The following PDGFRA variants were observed in gnomAD, a reference collection of about 807,000 sequenced individuals.
PDGFRA encodes platelet-derived growth factor receptor alpha.
A neutral mutation model predicts 121.5 loss-of-function variants in PDGFRA; 25 were observed. The observed-to-expected ratio is 0.21, with a 90% CI of 0.15 to 0.29. The LOEUF (loss-of-function observed/expected upper bound fraction) is 0.29, where lower values mean the gene tolerates loss of function less well. PDGFRA is among the 10% of genes least tolerant of loss of function. The pLI is 1.00. For missense variants in PDGFRA, 1,008 were observed against 1,345.1 expected, an observed-to-expected ratio of 0.75 and a Z score of 3.92; for synonymous variants, 463 against 494.8, an observed-to-expected ratio of 0.94 and a Z score of 0.85.
At chr4:54,293,075 A>T (rs943360462) in intron 22 of PDGFRA, among the ~76,000 whole-genome samples, 1 of 152,198 alleles carries the variant, frequency 6.6e-6, no homozygotes, top group Non-Finnish European at 1.5e-5. Flanking sequence ...TCTGTCTGAG[A>T]TCCAGATAAG....
chr4:54,290,690 G>A, intron 22 of PDGFRA, 136 bp downstream of exon 22: 2 of 980,858 alleles, frequency 2.0e-6, no homozygotes, highest in African/African-American at 1.6e-5. Flanking sequence ...GAATCCTCAG[G>A]AGGTCCACGT....
rs1721196574 is a variant in PDGFRA at position 54,239,755 on chromosome 4, C to T, written c.-13+10340C>T. 2.0e-5 allele frequency among the ~76,000 whole-genome samples: 3 copies of T among 152,202 alleles called. No individual in the cohort carries two copies. The South Asian group carries it at 6.2e-4, about 31-fold the overall frequency. ...TCTGGGTGCCCCAGATGGGAGCACG[C>T]CTGGCTGGCCACATCTTTTGCAACC... On this transcript the variant is annotated intron_variant, in intron 1 of 22. Transcript: ENST00000257290.
At chr4:54,232,585 C>T (rs1720746969) in intron 1 of PDGFRA, among the ~76,000 whole-genome samples, 1 of 152,156 alleles carries the variant, frequency 6.6e-6, no homozygotes, top group Non-Finnish European at 1.5e-5. Flanking sequence ...CACCAGAAGG[C>T]ACTTTTGTGT....
In PDGFRA at chr4:54,285,824, C is replaced by T; in HGVS notation, c.2440-17C>T. On this transcript the variant is annotated splice_polypyrimidine_tract_variant and intron_variant, in intron 17 of 22. Coordinates refer to ENST00000257290, the MANE Select transcript of PDGFRA (RefSeq NM_006206.6). ...CAGATGGCTTGATCCTGAGTCATTT[C>T]TTCCTTTTCCATGCAGTGTGTCCAC... is the stretch of plus-strand genomic sequence containing the variant. 7 of 1,613,810 alleles carry T rather than the reference C, an allele frequency of 4.3e-6. No individual in the cohort carries two copies. Among genetic ancestry groups the T allele is most frequent in the Non-Finnish European group, 5.9e-6 (7 of 1,179,864 alleles).
chr4:54,292,341 A>G (rs897890370), intron 22 of PDGFRA, among the ~76,000 whole-genome samples: 3 of 152,252 alleles, frequency 2.0e-5, no homozygotes, highest in Admixed American at 1.3e-4. Context: ...TGCAGCCGTA[A>G]AAAGGAATGA....
chr4:54,295,475 A>C lies in PDGFRA; in HGVS notation c.*203A>C, dbSNP rs540198054. On this transcript the variant is annotated 3_prime_UTR_variant, in exon 23 of 23. Transcript: ENST00000257290. The stretch of plus-strand genomic sequence containing the variant: ...AACTTTGTCAGTGTTGCCTCTTGCA[A>C]TGCCTCAGTAGCATCTCAGTGGTGT... 1 of 582,512 alleles carries C rather than the reference A, an allele frequency of 1.7e-6. No homozygotes were observed. Among genetic ancestry groups the C allele is most frequent in the Non-Finnish European group, 3.1e-6 (1 of 325,044 alleles). The allele number at this position is 582,512 out of a possible 1,614,324, so 36.1% of individuals were successfully genotyped here.
chr4:54,267,521 C>A (rs1560472944), intron 6 of PDGFRA, 31 bp from the exon 7 acceptor site: 7 of 1,613,720 alleles, frequency 4.3e-6, no homozygotes, highest in South Asian at 1.1e-5. Flanking sequence ...ATGTGGTAAT[C>A]ATTATTTAAT....
intron 3 of PDGFRA, among the ~76,000 whole-genome samples, chr4:54,261,615 A>C (rs1402409515): frequency 2.0e-5 from 3 of 152,082 alleles, no homozygotes; most frequent in African/African-American, 7.2e-5. Context: ...TAAGTTTGGA[A>C]AGTCATCTTT....
intron 1 of PDGFRA, among the ~76,000 whole-genome samples, chr4:54,235,114 G>T (rs1279093197): frequency 6.6e-6 from 1 of 152,162 alleles, no homozygotes; most frequent in East Asian, 1.9e-4. Flanking sequence ...CTGGGCTGAA[G>T]TTAGGAGACT....
At chr4:54,237,353 G>C (rs1316095574) in intron 1 of PDGFRA, among the ~76,000 whole-genome samples, 1 of 152,194 alleles carries the variant, frequency 6.6e-6, no homozygotes, top group Admixed American at 6.5e-5. Flanking sequence ...AAATCTGGGA[G>C]TGTCTGGCCA....
intron 1 of PDGFRA, chr4:54,240,124 A>T (rs568629372): frequency 2.7e-6 from 1 of 368,306 alleles, no homozygotes; most frequent in Non-Finnish European, 5.7e-6. Context: ...AGGTACTGGG[A>T]TTATAGGTGT....
intron 1 of PDGFRA, among the ~76,000 whole-genome samples, chr4:54,247,562 G>A (rs1721761093): frequency 6.7e-6 from 1 of 150,276 alleles, no homozygotes; most frequent in Admixed American, 6.6e-5. Context: ...TATGTAAATG[G>A]GACGTATCTC....
At chr4:54,291,172 A>G (rs1269260799) in intron 22 of PDGFRA, among the ~76,000 whole-genome samples, 1 of 152,112 alleles carries the variant, frequency 6.6e-6, no homozygotes, top group Non-Finnish European at 1.5e-5. Flanking sequence ...AGCTTCAATG[A>G]CTATGCCCTC....
intron 1 of PDGFRA, among the ~76,000 whole-genome samples, chr4:54,243,990 C>T (rs1384149342): frequency 6.6e-6 from 1 of 152,228 alleles, no homozygotes; most frequent in African/African-American, 2.4e-5. Context: ...GATCAAACTG[C>T]AAGGCAGCAG....
chr4:54,244,657 G>A (rs530280266), intron 1 of PDGFRA, among the ~76,000 whole-genome samples: 3 of 152,328 alleles, frequency 2.0e-5, no homozygotes, highest in Admixed American at 2.0e-4. Context: ...GAAAAGCAGA[G>A]CGCCTCTCCT....
rs878854837 is a variant in PDGFRA, at chr4:54,267,615, T to A, written c.995T>A (p.Val332Asp). 6.2e-7 allele frequency: 1 copy of A among 1,614,146 alleles called. No individual in the cohort carries two copies. ...SQLEAVNLHE[V>D]KHFVVEVRAY... ...TTGGAAGCTGTCAACCTGCATGAAG[T>A]CAAACATTTTGTTGTAGAGGTGCGG... Residue 332 changes from valine (V) to aspartate (D), a missense_variant, in exon 7 of 23, where the codon GTC becomes GAC. This residue lies in a region of PDGFRA where 575 missense variants were observed against 701.8 expected (regional missense o/e 0.82). Transcript: ENST00000257290.
rs4864876 is a variant in PDGFRA at position 54,290,133 on chromosome 4, C to T, written c.2881-180C>T. 0.2 allele frequency among the ~76,000 whole-genome samples: 30,207 copies of T among 152,162 alleles called. 3,614 individuals carry two copies. The highest frequency in any genetic ancestry group is 0.32 in the African/African-American group (13,376 of 41,496). The stretch of plus-strand genomic sequence containing the variant: ...AGAAGCTCTTTACCATTGGTGGCCC[C>T]TTCTTCATGTTCTATGTCTCTGGGG... On this transcript the variant is annotated intron_variant, in intron 21 of 22. Coordinates refer to ENST00000257290, the MANE Select transcript of PDGFRA (RefSeq NM_006206.6).
intron 7 of PDGFRA, among the ~76,000 whole-genome samples, chr4:54,268,132 C>A (rs934210411): frequency 1.3e-5 from 2 of 152,176 alleles, no homozygotes; most frequent in Non-Finnish European, 2.9e-5. Flanking sequence ...TATCACATCA[C>A]CTTACGTGAA....
chr4:54,234,379 C>G (rs1318807418), intron 1 of PDGFRA, among the ~76,000 whole-genome samples: 1 of 152,244 alleles, frequency 6.6e-6, no homozygotes, highest in Non-Finnish European at 1.5e-5. Flanking sequence ...TTCCTCGCAG[C>G]GGCGTCTGTG....
Sources: allele counts gnomAD v4.1 joint callset (sites outside exome capture counted in the v4.1 genomes callset), GRCh38; gene constraint gnomAD v4.1.1; regional missense constraint gnomAD v4.1.1; transcripts MANE v1.5; gene names NCBI Gene and HGNC (gene_info 2026-07-23, HGNC 2026-07-21).